AK4: variants seen among roughly 807,000 people sequenced by gnomAD.
AK4 encodes adenylate kinase 4.
A neutral mutation model predicts 24.6 loss-of-function variants in AK4; 13 were observed. The observed-to-expected ratio is 0.53, with a 90% confidence interval of 0.34 to 0.84. AK4 has a LOEUF of 0.84. Among genes scored for constraint, AK4 ranks in the 40% least tolerant of loss-of-function variants. AK4 has a pLI of 0.01. For synonymous variants in AK4, 88 were observed against 107.0 expected (o/e 0.82, Z 1.10); for missense variants, 192 against 288.2 (o/e 0.67, Z 2.42).
intron 1 of AK4, among the ~76,000 whole-genome samples, chr1:65,153,681 A>G (rs1439825859): frequency 1.3e-5 from 2 of 152,162 alleles, no homozygotes; most frequent in East Asian, 3.9e-4. Flanking sequence ...GTTACCCTTA[A>G]TTCCTTAAGG....
At chr1:65,174,141 T>C (rs1390120263) in intron 1 of AK4, among the ~76,000 whole-genome samples, 1 of 152,118 alleles carries the variant, frequency 6.6e-6, no homozygotes, top group Non-Finnish European at 1.5e-5. Flanking sequence ...GGCTTTCTAA[T>C]CCAGAATAGT....
intron 2 of AK4, among the ~76,000 whole-genome samples, chr1:65,206,136 G>A (rs982698854): frequency 4.6e-5 from 7 of 152,158 alleles, no homozygotes; most frequent in Admixed American, 1.3e-4. Context: ...GAGCATATTC[G>A]ATTTTCCATT....
upstream of AK4, chr1:65,148,151 G>T: frequency 1.5e-6 from 1 of 680,938 alleles, no homozygotes; most frequent in Non-Finnish European, 2.2e-6. Context: ...GGGCGAGGAG[G>T]TGGAGGAGGG....
intron 1 of AK4, among the ~76,000 whole-genome samples, chr1:65,157,899 G>A (rs1366927868): frequency 1.3e-5 from 2 of 152,146 alleles, no homozygotes; most frequent in Non-Finnish European, 2.9e-5. Flanking sequence ...TAGAGGAGGC[G>A]ATTCCTGAGC....
At chr1:65,183,380 A>T (rs1485354543) in intron 1 of AK4, among the ~76,000 whole-genome samples, 1 of 152,042 alleles carries the variant, frequency 6.6e-6, no homozygotes, top group African/African-American at 2.4e-5. Flanking sequence ...CCTCCAGGGT[A>T]GCTGGGACTG....
At chr1:65,154,584 C>A in intron 1 of AK4, 1 of 515,456 alleles carries the variant, frequency 1.9e-6, no homozygotes, top group East Asian at 5.3e-5. Context: ...AGAAATGTGG[C>A]CTCAATACGT....
intron 1 of AK4, chr1:65,154,356 G>T: frequency 5.7e-6 from 2 of 353,294 alleles, no homozygotes; most frequent in Admixed American, 3.1e-5. Flanking sequence ...ACTAGAATGT[G>T]TCTAACCAAT....
At chr1:65,159,354 A>G (rs1397672267) in intron 1 of AK4, among the ~76,000 whole-genome samples, 2 of 152,246 alleles carry the variant, frequency 1.3e-5, no homozygotes, top group Non-Finnish European at 2.9e-5. Context: ...AAATGGCCTC[A>G]GAAAGGTTGA....
chr1:65,196,401 TA>T (rs906092550), intron 2 of AK4, among the ~76,000 whole-genome samples: 2 of 151,294 alleles, frequency 1.3e-5, no homozygotes, highest in Non-Finnish European at 3.0e-5. Flanking sequence ...TTGCTCTTGC[TA>T]AAAAAAAAGT....
intron 2 of AK4, among the ~76,000 whole-genome samples, chr1:65,203,980 T>C (rs1226117744): frequency 1.3e-5 from 2 of 152,156 alleles, no homozygotes; most frequent in Non-Finnish European, 2.9e-5. Flanking sequence ...GAGAATTTAA[T>C]TTTATCTTTT....
chr1:65,170,614 C>G (rs1650484704), intron 1 of AK4, among the ~76,000 whole-genome samples: 1 of 152,144 alleles, frequency 6.6e-6, no homozygotes, highest in Admixed American at 6.6e-5. Flanking sequence ...CAGATGGTGG[C>G]TGAGCTCTAG....
At chr1:65,209,731 A>G (rs1651916372) in intron 2 of AK4, among the ~76,000 whole-genome samples, 1 of 152,210 alleles carries the variant, frequency 6.6e-6, no homozygotes, top group South Asian at 2.1e-4. Context: ...AGAATCCATC[A>G]TTTAAGACAC....
At chr1:65,157,671 C>G (rs1255159022) in intron 1 of AK4, among the ~76,000 whole-genome samples, 1 of 152,046 alleles carries the variant, frequency 6.6e-6, no homozygotes, top group South Asian at 2.1e-4. Context: ...CACCTGTAGT[C>G]TCAGCTACTC....
intron 1 of AK4, among the ~76,000 whole-genome samples, chr1:65,150,900 G>C (rs1255401445): frequency 2.0e-5 from 3 of 152,152 alleles, no homozygotes. Flanking sequence ...TGATGTCATT[G>C]CTTCTTGGAA....
chr1:65,159,385 C>T lies in AK4; in HGVS notation c.145+10833C>T, dbSNP rs533769662. ...GTTGAGTAACTAACTTGGTCAGGTACAGTGGCTCACGCCTGTAACCCAGCA... is the reference window on the plus strand; with the variant it reads ...GTTGAGTAACTAACTTGGTCAGGTATAGTGGCTCACGCCTGTAACCCAGCA... On this transcript the variant is annotated intron_variant, in intron 1 of 4. Transcript: ENST00000327299. Among the ~76,000 whole-genome samples, 11 of 152,364 alleles carry T rather than the reference C, an allele frequency of 7.2e-5. No homozygotes were observed. The East Asian group carries it at 2.1e-3, about 29-fold the overall frequency.
At chr1:65,163,656 T>C (rs566212038) in intron 1 of AK4, among the ~76,000 whole-genome samples, 4 of 152,246 alleles carry the variant, frequency 2.6e-5, no homozygotes, top group Non-Finnish European at 4.4e-5. Context: ...CCTTGCCTGC[T>C]GCCTAGACAG....
At chr1:65,218,511 T>A (rs1463524941) in intron 2 of AK4, among the ~76,000 whole-genome samples, 1 of 152,248 alleles carries the variant, frequency 6.6e-6, no homozygotes, top group Non-Finnish European at 1.5e-5. Context: ...ATATTCTTGG[T>A]TAAAGCTCAT....
chr1:65,148,657 G>C lies in AK4; in HGVS notation c.145+105G>C, dbSNP rs1179762352. ...ATCACGGCGCCCTTCCCCCGCCCGC[G>C]TGTGGTCGTGCAGGCTCGTACGTGC... On this transcript the variant is annotated intron_variant, in intron 1 of 4. Transcript: ENST00000327299. 11 of 1,414,178 alleles carry C rather than the reference G, an allele frequency of 7.8e-6. No individual in the cohort carries two copies. In the African/African-American group the frequency reaches 1.3e-4, roughly 17 times the overall value. The allele number at this position is 1,414,178 out of a possible 1,614,324, so 87.6% of individuals were successfully genotyped here. A position where few individuals can be genotyped will look rare whatever the true frequency, so the allele number is the denominator to read the frequency against.
At chr1:65,221,211 G>T (rs7548127) in intron 3 of AK4, among the ~76,000 whole-genome samples, 46,768 of 151,886 alleles carry the variant, frequency 0.31, 8,298 homozygotes, top group East Asian at 0.69. Flanking sequence ...AATAGTGAAC[G>T]CCAGTTTTGG....
Sources: gnomAD v4.1 joint callset for allele counts (sites outside exome capture counted in the v4.1 genomes callset) on GRCh38, gnomAD v4.1.1 for gene constraint, MANE v1.5 for transcripts, NCBI Gene and HGNC (gene_info 2026-07-23, HGNC 2026-07-21) for gene names.